Variants in LOC128092253 observed in about 807,000 individuals in gnomAD.
the LOC128092253 span, among the ~76,000 whole-genome samples, chr6:133,975,211 A>G: frequency 6.6e-6 from 1 of 152,150 alleles, no homozygotes; most frequent in African/African-American, 2.4e-5. Context: ...GGAATAAATG[A>G]TACTACAGTG....
At chr6:133,964,555 A>G in the LOC128092253 span, among the ~76,000 whole-genome samples, 1 of 149,570 alleles carries the variant, frequency 6.7e-6, no homozygotes, top group Non-Finnish European at 1.5e-5. Context: ...GGTTCACGCC[A>G]TTCTCCTGCC....
chr6:133,969,395 A>G, the LOC128092253 span, among the ~76,000 whole-genome samples: 1 of 152,004 alleles, frequency 6.6e-6, no homozygotes, highest in Non-Finnish European at 1.5e-5. Flanking sequence ...AATTATTCAC[A>G]TGAATGCTAC....
chr6:133,959,399 C>G, the LOC128092253 span, among the ~76,000 whole-genome samples: 2 of 152,078 alleles, frequency 1.3e-5, no homozygotes, highest in African/African-American at 4.8e-5. Context: ...GTACTATAGT[C>G]CACAATAAAA....
At chr6:133,967,842 G>C in the LOC128092253 span, among the ~76,000 whole-genome samples, 1 of 152,078 alleles carries the variant, frequency 6.6e-6, no homozygotes, top group Non-Finnish European at 1.5e-5. Context: ...ATCTCAGGTT[G>C]TCCAAGATTT....
At chr6:133,970,425 GTGTT>G in the LOC128092253 span, among the ~76,000 whole-genome samples, 2 of 152,102 alleles carry the variant, frequency 1.3e-5, no homozygotes, top group Admixed American at 6.5e-5. Flanking sequence ...ATGTGTATAT[GTGTT>G]TGTTTAAGTA....
At chr6:133,976,832 C>T in the LOC128092253 span, among the ~76,000 whole-genome samples, 5 of 151,846 alleles carry the variant, frequency 3.3e-5, no homozygotes, top group Non-Finnish European at 4.4e-5. Flanking sequence ...ACTAAAAATA[C>T]AAAAATTAGC....
the LOC128092253 span, among the ~76,000 whole-genome samples, chr6:133,961,465 CTTTTTTT>C: frequency 2.0e-5 from 2 of 100,208 alleles, no homozygotes; most frequent in Non-Finnish European, 2.0e-5. Flanking sequence ...TTCTTTCTTT[CTTTTTTT>C]TTTTTTTTTT....
At chr6:133,956,587 C>T in the LOC128092253 span, among the ~76,000 whole-genome samples, 5 of 152,164 alleles carry the variant, frequency 3.3e-5, no homozygotes, top group South Asian at 4.2e-4. Flanking sequence ...ATGTCCCTGC[C>T]CTGTGTGTGT....
At chr6:133,978,850 A>G in the LOC128092253 span, among the ~76,000 whole-genome samples, 2 of 152,202 alleles carry the variant, frequency 1.3e-5, no homozygotes, top group Non-Finnish European at 2.9e-5. Context: ...TTGAATCCTT[A>G]TTATAAAGAA....
the LOC128092253 span, among the ~76,000 whole-genome samples, chr6:133,969,627 A>G: frequency 6.6e-6 from 1 of 152,160 alleles, no homozygotes; most frequent in Non-Finnish European, 1.5e-5. Context: ...TGGCCAGGCA[A>G]ACTTGGTAAA....
the LOC128092253 span, among the ~76,000 whole-genome samples, chr6:133,979,378 G>T: frequency 6.6e-6 from 1 of 152,170 alleles, no homozygotes; most frequent in Non-Finnish European, 1.5e-5. Flanking sequence ...CAAGTTGCAT[G>T]AGAAGGGTTA....
At chr6:133,972,621 A>G in the LOC128092253 span, among the ~76,000 whole-genome samples, 1 of 152,226 alleles carries the variant, frequency 6.6e-6, no homozygotes, top group Non-Finnish European at 1.5e-5. Context: ...TTTGCAAAAC[A>G]GGCACTGGCC....
chr6:133,978,366 A>G, the LOC128092253 span, among the ~76,000 whole-genome samples: 9 of 152,224 alleles, frequency 5.9e-5, no homozygotes, highest in African/African-American at 1.9e-4. Flanking sequence ...GGCATGGTCT[A>G]TTCCATGTTA....
the LOC128092253 span, among the ~76,000 whole-genome samples, chr6:133,962,795 A>G: frequency 6.6e-6 from 1 of 152,222 alleles, no homozygotes; most frequent in Non-Finnish European, 1.5e-5. Flanking sequence ...CTTCTCAGGT[A>G]CAGATTAGTG....
the LOC128092253 span, among the ~76,000 whole-genome samples, chr6:133,955,002 A>G: frequency 6.6e-6 from 1 of 152,150 alleles, no homozygotes; most frequent in Non-Finnish European, 1.5e-5. Context: ...ACAGGATGCA[A>G]AGTGTGAACA....
the LOC128092253 span, among the ~76,000 whole-genome samples, chr6:133,969,326 ATAGTACCTTG>A: frequency 6.6e-6 from 1 of 151,162 alleles, no homozygotes; most frequent in African/African-American, 2.4e-5. Context: ...CCATTAAAAA[ATAGTACCTTG>A]TAGCTTTCTT....
the LOC128092253 span, among the ~76,000 whole-genome samples, chr6:133,967,523 A>G: frequency 0.41 from 63,034 of 152,032 alleles, 14,982 homozygotes; most frequent in Non-Finnish European, 0.57. Flanking sequence ...TCACGTGAAC[A>G]TCATAGAGTA....
chr6:133,956,380 T>A, the LOC128092253 span, among the ~76,000 whole-genome samples: 5 of 152,228 alleles, frequency 3.3e-5, no homozygotes, highest in Non-Finnish European at 7.3e-5. Context: ...GTATTTCCCT[T>A]CAGGTGCTTT....
the LOC128092253 span, among the ~76,000 whole-genome samples, chr6:133,963,757 G>T: frequency 1.3e-5 from 2 of 151,822 alleles, no homozygotes; most frequent in Non-Finnish European, 2.9e-5. Context: ...CCGGCCTGGC[G>T]CGGTGGCTCA....
Sources: allele counts gnomAD v4.1 joint callset (sites outside exome capture counted in the v4.1 genomes callset), GRCh38; gene constraint gnomAD v4.1.1; transcripts MANE v1.5.